MYO16: variants seen among roughly 807,000 people sequenced by gnomAD.
MYO16 encodes the protein unconventional myosin-XVI.
MYO16 carries 94 observed loss-of-function variants against 205.3 expected under a neutral mutation model. That is an observed-to-expected ratio of 0.46 (90% CI 0.39 to 0.54). MYO16 has a LOEUF of 0.54. Among genes scored for constraint, MYO16 ranks in the 20% least tolerant of loss-of-function variants. The pLI is 0.00. For synonymous variants in MYO16, 988 were observed against 954.0 expected (o/e 1.04, Z -0.66); for missense variants, 2,315 against 2,387.5 (o/e 0.97, Z 0.63).
chr13:109,157,171 C>G (rs1422656998), intron 32 of MYO16, among the ~76,000 whole-genome samples: 1 of 148,596 alleles, frequency 6.7e-6, no homozygotes, highest in Non-Finnish European at 1.5e-5. Flanking sequence ...TCTCCCCTGA[C>G]TCTCTTTCTA....
At chr13:109,112,541 G>A (rs1460717588) in intron 28 of MYO16, among the ~76,000 whole-genome samples, 1 of 152,016 alleles carries the variant, frequency 6.6e-6, no homozygotes, top group Non-Finnish European at 1.5e-5. Context: ...GGTTCACCTG[G>A]GGTCAGGAGT....
Position 109,141,239 on chromosome 13 carries a change from C to A in MYO16, c.5027C>A (p.Ala1676Asp). 4 of 1,605,586 alleles carry A rather than the reference C, an allele frequency of 2.5e-6. No homozygotes were observed. The highest frequency in any genetic ancestry group is 3.4e-6 in the Non-Finnish European group (4 of 1,176,134). Reference protein sequence around the residue: ...RADARKAGSSASPPAPYSPPS... With the variant: ...RADARKAGSSDSPPAPYSPPS... ...GACGCCAGGAAGGCCGGCTCCAGTG[C>A]CTCGCCCCCCGCGCCCTACAGCCCT... Residue 1676 changes from alanine to aspartate, a missense_variant, in exon 32 of 35, where the codon GCC (alanine) becomes GAC (aspartate). Physicochemically the swap from Ala to Asp is moderately radical, Grantham distance 126. Coordinates refer to ENST00000457511, the MANE Select transcript of MYO16 (RefSeq NM_001198950.3). This position sits in a 1 kb window ranked among gnomAD's most constrained non-coding sequence, Gnocchi z 4.1.
At chr13:109,011,577 C>T (rs774160332) in intron 22 of MYO16, among the ~76,000 whole-genome samples, 2 of 148,166 alleles carry the variant, frequency 1.3e-5, no homozygotes, top group African/African-American at 2.5e-5. Context: ...TGCAGTGGCG[C>T]GATCTCGGCT....
At chr13:108,926,479 C>T (rs186223415) in intron 16 of MYO16, among the ~76,000 whole-genome samples, 19 of 152,182 alleles carry the variant, frequency 1.2e-4, no homozygotes, top group Middle Eastern at 3.4e-3. Flanking sequence ...TGAAGAATCT[C>T]GGGTGCACTC....
At chr13:109,029,127 T>TTG (rs990599046) in intron 23 of MYO16, among the ~76,000 whole-genome samples, 2 of 147,912 alleles carry the variant, frequency 1.4e-5, no homozygotes, top group African/African-American at 2.5e-5. Flanking sequence ...TTTTTTTTTT[T>TTG]TTTTGAGATG....
intron 4 of MYO16, among the ~76,000 whole-genome samples, chr13:108,730,757 T>C: frequency 6.6e-6 from 1 of 152,150 alleles, no homozygotes; most frequent in East Asian, 1.9e-4. Flanking sequence ...GGTAACAATT[T>C]GGAGAAGTGT....
intron 4 of MYO16, among the ~76,000 whole-genome samples, chr13:108,738,911 T>C (rs1453032849): frequency 6.6e-6 from 1 of 152,206 alleles, no homozygotes; most frequent in Non-Finnish European, 1.5e-5. Context: ...TTGTCTCTTT[T>C]GATCTTTGTT....
intron 2 of MYO16, among the ~76,000 whole-genome samples, chr13:108,674,590 G>C (rs893133674): frequency 2.0e-5 from 3 of 152,164 alleles, no homozygotes; most frequent in Non-Finnish European, 4.4e-5. Flanking sequence ...GATTTAAGCT[G>C]ACACCTCGGA....
At chr13:108,768,122 A>G (rs970502252) in intron 4 of MYO16, among the ~76,000 whole-genome samples, 4 of 152,106 alleles carry the variant, frequency 2.6e-5, no homozygotes, top group Admixed American at 6.6e-5. Context: ...TCAGACTCCA[A>G]GCCTTATTCC....
chr13:108,967,413 G>C (rs973049290), intron 20 of MYO16, among the ~76,000 whole-genome samples: 5 of 152,136 alleles, frequency 3.3e-5, no homozygotes, highest in African/African-American at 1.2e-4. Flanking sequence ...AAAAACCCTG[G>C]GTATCTTGCA....
intron 12 of MYO16, among the ~76,000 whole-genome samples, chr13:108,878,575 A>G (rs1342544998): frequency 6.6e-6 from 1 of 152,232 alleles, no homozygotes; most frequent in African/African-American, 2.4e-5. Flanking sequence ...TAGGATACAG[A>G]AAGCTGTCAC....
chr13:108,746,776 G>T (rs781779065), intron 4 of MYO16, among the ~76,000 whole-genome samples: 2 of 152,054 alleles, frequency 1.3e-5, no homozygotes, highest in Admixed American at 6.6e-5. Context: ...ACACAGATCC[G>T]AGATGCTCAG....
chr13:108,930,057 C>A (rs1882186969), intron 16 of MYO16, among the ~76,000 whole-genome samples: 2 of 152,116 alleles, frequency 1.3e-5, no homozygotes, highest in South Asian at 4.1e-4. Context: ...TGCCCATAAT[C>A]TTATTTATTT....
At chr13:108,497,329 A>G in the MYO16 span, among the ~76,000 whole-genome samples, 1 of 152,180 alleles carries the variant, frequency 6.6e-6, no homozygotes, top group South Asian at 2.1e-4. Context: ...GTGCTCTAAA[A>G]CCTGTCTATT....
rs1220058478 is a variant in MYO16, at chr13:108,795,235, AG to A, written c.741+1597del. On this transcript the variant is annotated intron_variant, in intron 6 of 34. Transcript: ENST00000457511. ...TAAATGGAATCTTTCCCTGTCACCC[AG>A]GCTGGAGTGCAATGGCATGGTCTTG... is the stretch of plus-strand genomic sequence containing the variant. Among the ~76,000 whole-genome samples, 5 of 150,524 alleles carry A rather than the reference AG, an allele frequency of 3.3e-5. No individual in the cohort carries two copies. In the East Asian group the frequency reaches 9.8e-4, roughly 29 times the overall value.
intron 20 of MYO16, among the ~76,000 whole-genome samples, chr13:108,975,235 C>T (rs868292665): frequency 2.0e-5 from 3 of 151,106 alleles, no homozygotes; most frequent in African/African-American, 7.3e-5. Context: ...CTTCAGGGTT[C>T]ACAATTTTCT....
chr13:109,061,734 C>G (rs554393248), intron 27 of MYO16, among the ~76,000 whole-genome samples: 2 of 152,150 alleles, frequency 1.3e-5, no homozygotes, highest in Non-Finnish European at 2.9e-5. Flanking sequence ...CAGGCATTAC[C>G]CAATGCAAAG....
At chr13:109,065,573 T>C in intron 27 of MYO16, 1 of 476,586 alleles carries the variant, frequency 2.1e-6, no homozygotes. Context: ...CTTTGAAAAG[T>C]CCCTACAGGA....
chr13:108,635,507 ATTT>A (rs72321840), intron 1 of MYO16, among the ~76,000 whole-genome samples: 2 of 143,654 alleles, frequency 1.4e-5, no homozygotes, highest in Non-Finnish European at 1.5e-5. Context: ...TTACCTATTT[ATTT>A]TTTTTTTTTT....
Sources: allele counts gnomAD v4.1 joint callset (sites outside exome capture counted in the v4.1 genomes callset), GRCh38; gene constraint gnomAD v4.1.1; non-coding constraint Gnocchi (gnomAD v3.1); transcripts MANE v1.5; gene names NCBI Gene and HGNC (gene_info 2026-07-23, HGNC 2026-07-21).